Variants in EPHA5 observed in about 807,000 individuals in gnomAD.
EPHA5 encodes the protein EPH receptor A5, also known as ephrin type-A receptor 5.
EPHA5 carries 60 observed loss-of-function variants against 105.0 expected under a neutral mutation model. That is an observed-to-expected ratio of 0.57 (90% confidence interval 0.46 to 0.71). The LOEUF is 0.71. Among genes scored for constraint, EPHA5 ranks in the 30% least tolerant of loss-of-function variants. The probability of loss-of-function intolerance (pLI) is 0.00; values close to 1 mark genes in which losing one functional copy is unlikely to be tolerated. For synonymous variants in EPHA5, 513 were observed against 449.1 expected (o/e 1.14, Z -1.80); for missense variants, 1,218 against 1,274.7 (o/e 0.96, Z 0.68).
intron 3 of EPHA5, among the ~76,000 whole-genome samples, chr4:65,509,148 A>G (rs1057029440): frequency 2.0e-5 from 3 of 152,176 alleles, no homozygotes; most frequent in Non-Finnish European, 4.4e-5. Flanking sequence ...CTTAAATTAA[A>G]CAATTTCAGG....
chr4:65,379,939 CT>C (rs1239660151), intron 8 of EPHA5, among the ~76,000 whole-genome samples: 1 of 151,738 alleles, frequency 6.6e-6, no homozygotes, highest in Admixed American at 6.6e-5. Flanking sequence ...CAATGGCCCC[CT>C]AATAACCTTT....
intron 3 of EPHA5, among the ~76,000 whole-genome samples, chr4:65,516,240 T>C (rs1392533035): frequency 6.6e-6 from 1 of 152,196 alleles, no homozygotes; most frequent in Non-Finnish European, 1.5e-5. Context: ...ACATAAATAG[T>C]TGTTTAACAC....
intron 8 of EPHA5, among the ~76,000 whole-genome samples, chr4:65,370,123 T>G (rs1235419230): frequency 6.6e-6 from 1 of 152,166 alleles, no homozygotes; most frequent in Non-Finnish European, 1.5e-5. Flanking sequence ...AGGGATCTCA[T>G]GGCTTCAAAT....
Position 65,670,349 on chromosome 4 carries a change from G to T in EPHA5, c.-607C>A. 1 of 233,728 alleles carries T rather than the reference G, an allele frequency of 4.3e-6. No individual in the cohort carries two copies. The highest frequency in any genetic ancestry group is 2.2e-5 in the African/African-American group (1 of 45,486). 14.5% of individuals were successfully genotyped at this position (233,728 alleles called of 1,614,324 possible). ...AGTGCTGAAGAGGGGAGGGACTGAC[G>T]GCTGCCGGCCGGTAGGAGCGCGGAG... On this transcript the variant is annotated 5_prime_UTR_variant, in exon 1 of 17. Coordinates refer to ENST00000613740, the MANE Select transcript of EPHA5 (RefSeq NM_001281766.3).
At chr4:65,441,385 A>G (rs945144921) in intron 5 of EPHA5, among the ~76,000 whole-genome samples, 6 of 152,130 alleles carry the variant, frequency 3.9e-5, no homozygotes, top group African/African-American at 1.4e-4. Flanking sequence ...ATTTGAAAAA[A>G]TGAAAGCTAT....
chr4:65,321,806 AAT>A lies in EPHA5; in HGVS notation c.*2306_*2307del, dbSNP rs1291422862. ...TATAAAGTTGGAAAACAATGTAGAA[AAT>A]ATCTTTGTTATGTCTAAGCAATTGT... On this transcript the variant is annotated 3_prime_UTR_variant, in exon 17 of 17. Coordinates refer to ENST00000613740, the MANE Select transcript of EPHA5 (RefSeq NM_001281766.3). 8.8e-6 allele frequency: 2 copies of A among 227,478 alleles called. No individual in the cohort carries two copies. The highest frequency in any genetic ancestry group is 2.2e-5 in the African/African-American group (1 of 45,006). 14.1% of individuals were successfully genotyped at this position (227,478 alleles called of 1,614,324 possible). A position where few individuals can be genotyped will look rare whatever the true frequency, so the allele number is the denominator to read the frequency against.
chr4:65,469,254 A>T (rs1729056575), intron 5 of EPHA5, among the ~76,000 whole-genome samples: 1 of 152,158 alleles, frequency 6.6e-6, no homozygotes, highest in African/African-American at 2.4e-5. Flanking sequence ...GTGATTTTCA[A>T]TGATAAAATA....
At chr4:65,424,527 G>T (rs1014974376) in intron 5 of EPHA5, among the ~76,000 whole-genome samples, 2 of 152,030 alleles carry the variant, frequency 1.3e-5, no homozygotes, top group African/African-American at 2.4e-5. Flanking sequence ...CAGGTACAGG[G>T]TGGGTGCCAA....
intron 5 of EPHA5, among the ~76,000 whole-genome samples, chr4:65,423,719 G>A (rs1724152843): frequency 6.7e-6 from 1 of 149,356 alleles, no homozygotes; most frequent in South Asian, 2.1e-4. Flanking sequence ...TAAAAGACCA[G>A]ATGCTCTAGG....
chr4:65,518,150 C>T (rs7685760), intron 3 of EPHA5, among the ~76,000 whole-genome samples: 2,553 of 151,954 alleles, frequency 0.017, 83 homozygotes, highest in African/African-American at 0.057. Flanking sequence ...TGTGACATTT[C>T]AAACTTAATG....
intron 2 of EPHA5, among the ~76,000 whole-genome samples, chr4:65,604,238 C>G (rs993917922): frequency 5.9e-5 from 9 of 152,104 alleles, no homozygotes; most frequent in Non-Finnish European, 1.2e-4. Flanking sequence ...TTTGTCTGTA[C>G]AAAGTCCAGG....
intron 3 of EPHA5, among the ~76,000 whole-genome samples, chr4:65,580,420 C>T (rs1217566087): frequency 1.3e-5 from 2 of 151,718 alleles, no homozygotes; most frequent in Non-Finnish European, 3.0e-5. Context: ...TCAAGTTTAA[C>T]ATAAAATTAA....
rs1448370021 is a variant in EPHA5, at chr4:65,608,128, A to T, written c.247-5824T>A. On this transcript the variant is annotated intron_variant, in intron 2 of 16. Coordinates refer to ENST00000613740, the MANE Select transcript of EPHA5 (RefSeq NM_001281766.3). ...GATGGGTTGATGGGTGCAGCAAATC[A>T]CCATGGCACGTGTATTACCTATGTA... is the stretch of plus-strand genomic sequence containing the variant. 7.2e-5 allele frequency among the ~76,000 whole-genome samples: 11 copies of T among 152,278 alleles called. No homozygotes were observed. In the East Asian group the frequency reaches 2.1e-3, roughly 29 times the overall value.
At chr4:65,617,102 T>C (rs1167742605) in intron 2 of EPHA5, among the ~76,000 whole-genome samples, 2 of 152,142 alleles carry the variant, frequency 1.3e-5, no homozygotes, top group African/African-American at 4.8e-5. Flanking sequence ...TCTCCATATT[T>C]GGAGAAATTC....
At chr4:65,500,179 A>T (rs1015098713) in intron 3 of EPHA5, among the ~76,000 whole-genome samples, 2 of 151,536 alleles carry the variant, frequency 1.3e-5, no homozygotes, top group African/African-American at 4.8e-5. Context: ...AAATAAACGA[A>T]GCTTCTGGAG....
intron 3 of EPHA5, among the ~76,000 whole-genome samples, chr4:65,587,486 T>A (rs1471296381): frequency 2.6e-5 from 4 of 152,152 alleles, no homozygotes; most frequent in Admixed American, 6.6e-5. Context: ...TCCAAGAATG[T>A]ACAGACCAAA....
At chr4:65,407,840 C>G (rs1157381678) in intron 7 of EPHA5, among the ~76,000 whole-genome samples, 3 of 151,964 alleles carry the variant, frequency 2.0e-5, no homozygotes. Context: ...ATTGCAACCT[C>G]TGCTGCCAGG....
chr4:65,402,497 C>A (rs1721942303), intron 8 of EPHA5, among the ~76,000 whole-genome samples: 2 of 152,118 alleles, frequency 1.3e-5, no homozygotes, highest in Non-Finnish European at 2.9e-5. Flanking sequence ...TGTGCTAAGT[C>A]TACACCAACA....
chr4:65,447,589 TTAC>T (rs977727940), intron 5 of EPHA5, among the ~76,000 whole-genome samples: 10 of 151,874 alleles, frequency 6.6e-5, no homozygotes, highest in Admixed American at 2.6e-4. Flanking sequence ...CCTCTAAATC[TTAC>T]TACTATTTTT....
Sources: gnomAD v4.1 joint callset for allele counts (sites outside exome capture counted in the v4.1 genomes callset) on GRCh38, gnomAD v4.1.1 for gene constraint, MANE v1.5 for transcripts, NCBI Gene and HGNC (gene_info 2026-07-23, HGNC 2026-07-21) for gene names.